Variants in VWF observed in about 807,000 individuals in gnomAD.
VWF encodes Factor VIII related antigen.
In VWF, 176 loss-of-function variants were observed where a neutral mutation model predicts 308.6. The observed-to-expected ratio is 0.57, with a 90% CI of 0.50 to 0.65. The LOEUF is 0.65. VWF is among the 30% of genes least tolerant of loss of function. VWF has a pLI of 0.00. For synonymous variants in VWF, 1,385 were observed against 1,443.4 expected (o/e 0.96, Z 0.92); for missense variants, 3,146 against 3,648.2 (o/e 0.86, Z 3.55).
At chr12:6,040,437 C>T (rs1460904351) in intron 18 of VWF, among the ~76,000 whole-genome samples, 1 of 152,144 alleles carries the variant, frequency 6.6e-6, no homozygotes, top group Admixed American at 6.5e-5. Flanking sequence ...TTTCCCACCA[C>T]GAACTTACTG....
chr12:6,091,011 G>A (rs1005266984), intron 6 of VWF, among the ~76,000 whole-genome samples: 1 of 152,188 alleles, frequency 6.6e-6, no homozygotes, highest in Non-Finnish European at 1.5e-5. Context: ...GTTAGTGCCG[G>A]TACTGGGCTA....
chr12:6,104,537 A>G (rs1438145807), intron 5 of VWF, among the ~76,000 whole-genome samples: 1 of 151,952 alleles, frequency 6.6e-6, no homozygotes, highest in Non-Finnish European at 1.5e-5. Context: ...AAAATACAAA[A>G]GAAAAAAAAA....
Position 5,994,568 on chromosome 12 carries a change from C to T in VWF, c.6103G>A (p.Gly2035Ser), listed in dbSNP as rs778887346. 2 of 1,613,896 alleles carry T rather than the reference C, an allele frequency of 1.2e-6. No homozygotes were observed. The highest frequency in any genetic ancestry group is 2.2e-5 in the South Asian group (2 of 91,066). The change falls in exon 36 of 52, where the codon GGT becomes AGT. Residue 2035 changes from glycine (G) to serine (S), a missense_variant. Physicochemically the swap from Gly to Ser is moderately conservative, Grantham distance 56. This residue lies in a region of VWF where 989 missense variants were observed against 1,117.4 expected (regional missense o/e 0.89). Coordinates refer to ENST00000261405, the MANE Select transcript of VWF (RefSeq NM_000552.5). ...TAAACGTTGACTTCCATGTTCCCAC[C>T]CACGTAAGGAACAGAGACCAGTCTC... is the stretch of plus-strand genomic sequence containing the variant. ...NGRLVSVPYV[G>S]GNMEVNVYGA... is the part of the protein sequence containing the mutation.
chr12:6,116,512 T>C (rs1945368245), intron 3 of VWF, among the ~76,000 whole-genome samples: 1 of 152,226 alleles, frequency 6.6e-6, no homozygotes, highest in African/African-American at 2.4e-5. Context: ...GGTCTGACCA[T>C]GCCACGGAAA....
At chr12:5,991,467 T>C (rs1361837985) in intron 38 of VWF, among the ~76,000 whole-genome samples, 1 of 152,208 alleles carries the variant, frequency 6.6e-6, no homozygotes, top group Non-Finnish European at 1.5e-5. Flanking sequence ...CTCTTAACAA[T>C]GGCAGACATT....
chr12:5,992,127 C>T lies in VWF; in HGVS notation c.6599-109G>A, dbSNP rs533186803. 43 of 1,059,902 alleles carry T rather than the reference C, an allele frequency of 4.1e-5. 1 individual carries two copies. The African/African-American group carries it at 4.2e-4, about 10-fold the overall frequency. The allele number at this position is 1,059,902 out of a possible 1,614,324, so 65.7% of individuals were successfully genotyped here. On this transcript the variant is annotated intron_variant, in intron 37 of 51. Coordinates refer to ENST00000261405, the MANE Select transcript of VWF (RefSeq NM_000552.5). The stretch of plus-strand genomic sequence containing the variant: ...TCAGACAAACTTGCCAGGGCAGAGA[C>T]GGCTATTTTCCACCAATCTTCATCC...
chr12:6,002,275 A>G lies in VWF; in HGVS notation c.5843-6053T>C, dbSNP rs1189754030. On this transcript the variant is annotated intron_variant, in intron 34 of 51. Transcript: ENST00000261405. ...AGTAGAGAATATAAAAACAGTAAAC[A>G]TAATAAATAAATTGAAATCTTGATT... is the stretch of plus-strand genomic sequence containing the variant. 2.0e-5 allele frequency among the ~76,000 whole-genome samples: 3 copies of G among 152,078 alleles called. No individual in the cohort carries two copies. The East Asian group carries it at 5.8e-4, about 29-fold the overall frequency.
chr12:6,052,585 A>G lies in VWF; in HGVS notation c.2144T>C (p.Ile715Thr). The G allele has an allele frequency of 6.2e-7, 1 of 1,614,220 alleles. No homozygotes were observed. Among genetic ancestry groups the G allele is most frequent in the South Asian group, 1.1e-5 (1 of 91,084 alleles). Residue 715 changes from isoleucine (I) to threonine (T), a missense_variant, in exon 16 of 52, where the codon ATC becomes ACC. Coordinates refer to ENST00000261405, the MANE Select transcript of VWF (RefSeq NM_000552.5). The part of the protein sequence containing the change: ...AQCPCYYDGE[I>T]FQPEDIFSDH... The stretch of plus-strand genomic sequence containing the variant: ...TGAGAAGATGTCTTCTGGCTGGAAG[A>G]TCTCACCGTCATAGTAACAGGGGCA...
In VWF at chr12:6,056,930, G is replaced by T; in HGVS notation, c.1872C>A (p.Gly624=). ...SCSDGRECLC[G]ALASYAAACA... ...AGGCCGCGGCATAGCTGGCCAGGGC[G>T]CCGCACAGGCACTCGCGGCCGTCCG... The change falls in exon 15 of 52, where the codon GGC becomes GGA. Residue 624 remains glycine, a synonymous_variant. Coordinates refer to ENST00000261405, the MANE Select transcript of VWF (RefSeq NM_000552.5). 1 of 1,534,680 alleles carries T rather than the reference G, an allele frequency of 6.5e-7. No homozygotes were observed. The highest frequency in any genetic ancestry group is 8.7e-7 in the Non-Finnish European group (1 of 1,145,960).
chr12:5,984,445 T>C (rs1170910511), intron 40 of VWF, among the ~76,000 whole-genome samples: 1 of 152,246 alleles, frequency 6.6e-6, no homozygotes, highest in Non-Finnish European at 1.5e-5. Context: ...ATCTATCTGC[T>C]CTCCCTTCAA....
rs776969405 is a variant in VWF at position 6,046,706 on chromosome 12, A to G, written c.2281+17T>C. The G allele has an allele frequency of 3.7e-6, 6 of 1,612,830 alleles. No individual in the cohort carries two copies. The Admixed American group carries it at 1.0e-4, about 27-fold the overall frequency. Reference sequence around the variant, plus strand: ...GCAGGATGGAGTCAATGGGCCTTCCAGGGGGACAGTACTCACTGCGATGAG... The same window carrying G: ...GCAGGATGGAGTCAATGGGCCTTCCGGGGGGACAGTACTCACTGCGATGAG... On this transcript the variant is annotated intron_variant, in intron 17 of 51. Transcript: ENST00000261405. This position sits in a 1 kb window ranked among gnomAD's most constrained non-coding sequence, Gnocchi z 5.0.
rs1226682626 is a variant in VWF, at chr12:6,107,905, ACT to A, written c.532+2467_532+2468del. On this transcript the variant is annotated intron_variant, in intron 5 of 51. Coordinates refer to ENST00000261405, the MANE Select transcript of VWF (RefSeq NM_000552.5). Reference sequence around the variant, plus strand: ...CATCTCCTGACCTCATGATCCGCCCACTTCGGCCTCCCAAAGTGCTGGGATGA... The same window carrying A: ...CATCTCCTGACCTCATGATCCGCCCATCGGCCTCCCAAAGTGCTGGGATGA... 5.9e-4 allele frequency among the ~76,000 whole-genome samples: 90 copies of A among 152,000 alleles called. 1 individual carries two copies. Among genetic ancestry groups the A allele is most frequent in the Non-Finnish European group, 1.8e-4 (12 of 67,954 alleles).
chr12:6,048,767 G>A (rs1944475384), intron 16 of VWF, among the ~76,000 whole-genome samples: 1 of 152,198 alleles, frequency 6.6e-6, no homozygotes, highest in South Asian at 2.1e-4. Flanking sequence ...CCAGCTGACT[G>A]TAATGATTTT....
intron 6 of VWF, among the ~76,000 whole-genome samples, chr12:6,090,377 A>G (rs1298029855): frequency 6.6e-6 from 1 of 152,108 alleles, no homozygotes; most frequent in Non-Finnish European, 1.5e-5. Flanking sequence ...AGGTGTGGAG[A>G]TATCTGGGCA....
intron 1 of VWF, among the ~76,000 whole-genome samples, chr12:6,123,956 A>G (rs1367265956): frequency 6.6e-6 from 1 of 152,118 alleles, no homozygotes; most frequent in East Asian, 1.9e-4. Context: ...TGAAGTGCAG[A>G]ATCTGCTGCC....
At chr12:6,072,239 T>C (rs1944789521) in intron 9 of VWF, 92 bp downstream of exon 9, 1 of 1,200,142 alleles carries the variant, frequency 8.3e-7, no homozygotes, top group African/African-American at 1.5e-5. Flanking sequence ...CGGTCCAGGT[T>C]CTTTTCCACC....
intron 34 of VWF, among the ~76,000 whole-genome samples, chr12:5,999,905 A>G (rs1302059720): frequency 6.6e-6 from 1 of 152,136 alleles, no homozygotes; most frequent in Non-Finnish European, 1.5e-5. Flanking sequence ...AGACTAAATT[A>G]TAAGTACCCA....
chr12:5,999,614 T>G (rs1028321956), intron 34 of VWF, among the ~76,000 whole-genome samples: 1 of 151,960 alleles, frequency 6.6e-6, no homozygotes, highest in African/African-American at 2.4e-5. Flanking sequence ...CATAAAAGCT[T>G]CTTCAAAAGA....
chr12:6,069,942 TAGTA>T (rs1044867737), intron 10 of VWF, among the ~76,000 whole-genome samples: 1 of 152,196 alleles, frequency 6.6e-6, no homozygotes, highest in African/African-American at 2.4e-5. Flanking sequence ...ATTCACCCTA[TAGTA>T]AGTACTTGTT....
Sources: allele counts gnomAD v4.1 joint callset (sites outside exome capture counted in the v4.1 genomes callset), GRCh38; gene constraint gnomAD v4.1.1; regional missense constraint gnomAD v4.1.1; non-coding constraint Gnocchi (gnomAD v3.1); transcripts MANE v1.5; gene names NCBI Gene and HGNC (gene_info 2026-07-23, HGNC 2026-07-21).